Variants in LRRTM4 observed in about 807,000 individuals in gnomAD.
LRRTM4 encodes the protein leucine-rich repeat transmembrane neuronal protein 4.
Under a neutral mutation model 47.6 loss-of-function variants are expected in LRRTM4, and 25 were observed. The ratio of observed to expected loss-of-function variants is 0.53; its 90% CI spans 0.38 to 0.73. LRRTM4 has a LOEUF of 0.73. Among genes scored for constraint, LRRTM4 ranks in the 30% least tolerant of loss-of-function variants. The pLI, the probability that LRRTM4 is intolerant of heterozygous loss-of-function variation, is 0.00. For missense variants in LRRTM4, 638 were observed against 713.4 expected (o/e 0.89, Z 1.20); for synonymous variants, 311 against 269.5 (o/e 1.15, Z -1.51).
At chr2:77,067,217 G>A (rs1679985265) in intron 3 of LRRTM4, among the ~76,000 whole-genome samples, 1 of 151,790 alleles carries the variant, frequency 6.6e-6, no homozygotes, top group South Asian at 2.1e-4. Context: ...TAAAATGACT[G>A]AAGAAAGAAA....
chr2:77,139,321 T>G (rs560964467), intron 3 of LRRTM4, among the ~76,000 whole-genome samples: 2 of 152,114 alleles, frequency 1.3e-5, no homozygotes, highest in South Asian at 2.1e-4. Context: ...TGGTTCAACA[T>G]ACGAAAATCA....
At chr2:77,140,757 A>C (rs998655833) in intron 3 of LRRTM4, among the ~76,000 whole-genome samples, 6 of 152,332 alleles carry the variant, frequency 3.9e-5, no homozygotes, top group African/African-American at 1.4e-4. Context: ...AGAATCTGCA[A>C]TGAACTCCAA....
intron 3 of LRRTM4, among the ~76,000 whole-genome samples, chr2:76,807,471 C>CATATATATATATATATACAT (rs1553412706): frequency 8.2e-5 from 8 of 97,456 alleles, no homozygotes; most frequent in Admixed American, 2.0e-4. Flanking sequence ...TATATATATA[C>CATATATATATATATATACAT]ATATATATAT....
chr2:77,215,812 A>C (rs1674419501), intron 3 of LRRTM4, among the ~76,000 whole-genome samples: 1 of 152,344 alleles, frequency 6.6e-6, no homozygotes, highest in Non-Finnish European at 1.5e-5. Flanking sequence ...AACAATGTCA[A>C]TTAGAGTAAA....
chr2:77,431,106 C>T (rs1675359352), intron 3 of LRRTM4, among the ~76,000 whole-genome samples: 1 of 149,026 alleles, frequency 6.7e-6, no homozygotes, highest in Admixed American at 6.6e-5. Flanking sequence ...GGTTCTTCGA[C>T]TCCAAGACAG....
At chr2:77,180,572 C>T (rs1010189180) in intron 3 of LRRTM4, among the ~76,000 whole-genome samples, 1 of 152,144 alleles carries the variant, frequency 6.6e-6, no homozygotes, top group Non-Finnish European at 1.5e-5. Context: ...GTAAAACCTT[C>T]ACATCAATAA....
At chr2:77,173,575 G>T (rs1053286640) in intron 3 of LRRTM4, among the ~76,000 whole-genome samples, 3 of 152,118 alleles carry the variant, frequency 2.0e-5, no homozygotes, top group African/African-American at 4.8e-5. Context: ...AAAAATCTAC[G>T]TCACTCTCCT....
intron 3 of LRRTM4, among the ~76,000 whole-genome samples, chr2:77,015,308 C>A (rs1259972923): frequency 6.6e-6 from 1 of 152,106 alleles, no homozygotes; most frequent in African/African-American, 2.4e-5. Context: ...CTGACTGATA[C>A]ATGGAGGAAG....
Position 76,982,210 on chromosome 2 carries a change from A to G in LRRTM4, c.1552-233294T>C, listed in dbSNP as rs377480053. ...AGCTTCAACTTCCATTTTCTCACTCAGTCTTCTTGCATTTGAATACAGAAA... is the reference window on the plus strand; with the variant it reads ...AGCTTCAACTTCCATTTTCTCACTCGGTCTTCTTGCATTTGAATACAGAAA... On this transcript the variant is annotated intron_variant, in intron 3 of 3. Coordinates refer to ENST00000409884, the MANE Select transcript of LRRTM4 (RefSeq NM_001134745.3). 3.3e-5 allele frequency among the ~76,000 whole-genome samples: 5 copies of G among 152,068 alleles called. No individual in the cohort carries two copies. The South Asian group carries it at 1.0e-3, about 31-fold the overall frequency.
chr2:77,020,594 C>T (rs1286472565), intron 3 of LRRTM4, among the ~76,000 whole-genome samples: 1 of 127,176 alleles, frequency 7.9e-6, no homozygotes, highest in African/African-American at 3.6e-5. Flanking sequence ...AAATTACACA[C>T]TCTCAATGTT....
At chr2:76,787,327 A>G (rs1674728300) in intron 3 of LRRTM4, among the ~76,000 whole-genome samples, 2 of 152,100 alleles carry the variant, frequency 1.3e-5, no homozygotes, top group South Asian at 4.1e-4. Flanking sequence ...ATTACTGGCA[A>G]CTTCCTGGTC....
intron 3 of LRRTM4, among the ~76,000 whole-genome samples, chr2:77,418,499 T>C (rs1674735535): frequency 6.6e-6 from 1 of 152,176 alleles, no homozygotes; most frequent in African/African-American, 2.4e-5. Flanking sequence ...AAGGCTTTGG[T>C]TGTCCTAATT....
chr2:76,756,203 T>C (rs1379737858), intron 3 of LRRTM4, among the ~76,000 whole-genome samples: 2 of 152,182 alleles, frequency 1.3e-5, no homozygotes, highest in African/African-American at 2.4e-5. Flanking sequence ...CATTCCTTTT[T>C]ATGAACTTCA....
intron 3 of LRRTM4, among the ~76,000 whole-genome samples, chr2:76,751,179 T>C (rs1202629515): frequency 2.0e-5 from 3 of 152,188 alleles, no homozygotes; most frequent in Non-Finnish European, 1.5e-5. Context: ...TGACTGGCAA[T>C]AGCCTAGATA....
At chr2:77,338,870 C>T (rs1445475923) in intron 3 of LRRTM4, among the ~76,000 whole-genome samples, 1 of 151,884 alleles carries the variant, frequency 6.6e-6, no homozygotes, top group Non-Finnish European at 1.5e-5. Flanking sequence ...CAATGGTGGA[C>T]TGGATGAAGA....
Position 76,895,719 on chromosome 2 carries a change from G to A in LRRTM4, c.1552-146803C>T, listed in dbSNP as rs551810433. Among the ~76,000 whole-genome samples, 135 of 152,178 alleles carry A rather than the reference G, an allele frequency of 8.9e-4. 1 individual carries two copies. The Middle Eastern group carries it at 0.01, about 12-fold the overall frequency. On this transcript the variant is annotated intron_variant, in intron 3 of 3. Transcript: ENST00000409884. ...TCGGAATGGAATGTGACGAGCCACAGTGATAAACATACTGTGAAAAATACA... is the reference window on the plus strand; with the variant it reads ...TCGGAATGGAATGTGACGAGCCACAATGATAAACATACTGTGAAAAATACA...
chr2:77,471,755 T>A (rs1441884964), intron 3 of LRRTM4, among the ~76,000 whole-genome samples: 2 of 152,196 alleles, frequency 1.3e-5, no homozygotes, highest in Non-Finnish European at 2.9e-5. Flanking sequence ...TTTAGATATA[T>A]AACACACATT....
chr2:77,521,288 G>A (rs886402553), intron 2 of LRRTM4, among the ~76,000 whole-genome samples: 8 of 151,854 alleles, frequency 5.3e-5, no homozygotes, highest in Non-Finnish European at 8.8e-5. Flanking sequence ...CTACATACAC[G>A]CAGCAAAGTG....
At chr2:76,802,846 G>A (rs934920152) in intron 3 of LRRTM4, among the ~76,000 whole-genome samples, 1 of 152,098 alleles carries the variant, frequency 6.6e-6, no homozygotes, top group African/African-American at 2.4e-5. Context: ...AATTCACGAT[G>A]GAGAAAGGAC....
Sources: gnomAD v4.1 joint callset for allele counts (sites outside exome capture counted in the v4.1 genomes callset) on GRCh38, gnomAD v4.1.1 for gene constraint, MANE v1.5 for transcripts, NCBI Gene and HGNC (gene_info 2026-07-23, HGNC 2026-07-21) for gene names.